PIBF1: variants seen among roughly 807,000 people sequenced by gnomAD.
PIBF1 encodes progesterone-induced-blocking factor 1.
In PIBF1, 90 loss-of-function variants were observed where a neutral mutation model predicts 112.5. That is an observed-to-expected ratio of 0.80 (90% CI 0.67 to 0.95). The LOEUF (loss-of-function observed/expected upper bound fraction) is 0.95, where lower values mean the gene tolerates loss of function less well. PIBF1 is among the 40% of genes least tolerant of loss of function. The probability of loss-of-function intolerance (pLI) is 0.00; values close to 1 mark genes in which losing one functional copy is unlikely to be tolerated. For missense variants in PIBF1, 915 were observed against 852.3 expected (o/e 1.07, Z -0.92); for synonymous variants, 301 against 288.6 (o/e 1.04, Z -0.44).
intron 13 of PIBF1, among the ~76,000 whole-genome samples, chr13:72,923,162 C>T (rs2041358612): frequency 1.3e-5 from 2 of 152,114 alleles, no homozygotes; most frequent in Non-Finnish European, 2.9e-5. Context: ...GACACCGTAC[C>T]AATACTGAAG....
intron 9 of PIBF1, among the ~76,000 whole-genome samples, chr13:72,851,678 C>T (rs180814366): frequency 1.8e-4 from 27 of 152,330 alleles, no homozygotes; most frequent in African/African-American, 5.3e-4. Flanking sequence ...ATGGGAGCTG[C>T]GCCACCAGTT....
intron 9 of PIBF1, among the ~76,000 whole-genome samples, chr13:72,836,656 G>T (rs1393352742): frequency 6.6e-6 from 1 of 151,818 alleles, no homozygotes; most frequent in South Asian, 2.1e-4. Context: ...GCCTCTGAGG[G>T]GTATGATTTT....
chr13:72,974,777 A>C (rs2042979056), intron 16 of PIBF1, among the ~76,000 whole-genome samples: 2 of 152,236 alleles, frequency 1.3e-5, no homozygotes, highest in Admixed American at 6.5e-5. Flanking sequence ...TACACATTTT[A>C]ATATAAACAA....
chr13:72,922,377 T>A (rs995628330), intron 13 of PIBF1, among the ~76,000 whole-genome samples: 14 of 152,204 alleles, frequency 9.2e-5, no homozygotes, highest in African/African-American at 3.1e-4. Context: ...TGACTAAACT[T>A]GAAAATCTGA....
chr13:72,843,700 C>T (rs1176177277), intron 9 of PIBF1, among the ~76,000 whole-genome samples: 1 of 152,206 alleles, frequency 6.6e-6, no homozygotes, highest in East Asian at 1.9e-4. Flanking sequence ...GCATGAGCCA[C>T]CGCGCCTGGC....
intron 6 of PIBF1, among the ~76,000 whole-genome samples, chr13:72,823,872 A>G (rs2036678611): frequency 1.3e-5 from 2 of 152,012 alleles, no homozygotes; most frequent in Non-Finnish European, 2.9e-5. Context: ...TTGATCTCTT[A>G]GTGGGGAATG....
At chr13:72,820,939 T>C (rs1228821974) in intron 5 of PIBF1, among the ~76,000 whole-genome samples, 1 of 152,216 alleles carries the variant, frequency 6.6e-6, no homozygotes, top group African/African-American at 2.4e-5. Flanking sequence ...TGGCAGTGTT[T>C]AAAGTGGTGG....
At chr13:72,920,879 T>A (rs1431658660) in intron 13 of PIBF1, among the ~76,000 whole-genome samples, 1 of 152,082 alleles carries the variant, frequency 6.6e-6, no homozygotes. Context: ...GTAAATGAAC[T>A]ATATGCAAAA....
At chr13:72,925,833 C>T (rs959206828) in intron 13 of PIBF1, among the ~76,000 whole-genome samples, 8 of 152,064 alleles carry the variant, frequency 5.3e-5, no homozygotes, top group African/African-American at 1.4e-4. Context: ...TGAGCCACCG[C>T]ACCCGGCCCT....
intron 4 of PIBF1, among the ~76,000 whole-genome samples, chr13:72,796,586 C>T (rs897924217): frequency 2.0e-5 from 3 of 150,302 alleles, no homozygotes; most frequent in Non-Finnish European, 4.4e-5. Context: ...TCTTGGTTCT[C>T]ATTGGGAAAA....
intron 2 of PIBF1, 64 bp downstream of exon 2, chr13:72,783,785 G>A (rs925814344): frequency 9.6e-6 from 13 of 1,349,390 alleles, no homozygotes; most frequent in South Asian, 2.5e-5. Flanking sequence ...AGGTAAATAA[G>A]AATTAAATAC....
At chr13:72,949,207 A>G (rs1457009719) in intron 14 of PIBF1, among the ~76,000 whole-genome samples, 4 of 151,260 alleles carry the variant, frequency 2.6e-5, no homozygotes, top group African/African-American at 4.8e-5. Context: ...CACAAAGTTG[A>G]CCTGAGACTG....
chr13:72,906,454 T>G (rs975113476), intron 11 of PIBF1, among the ~76,000 whole-genome samples: 1 of 152,166 alleles, frequency 6.6e-6, no homozygotes, highest in African/African-American at 2.4e-5. Context: ...GAAATGTTCA[T>G]GTATTGATTT....
chr13:72,877,439 G>A (rs2039455574), intron 10 of PIBF1, among the ~76,000 whole-genome samples: 1 of 152,134 alleles, frequency 6.6e-6, no homozygotes, highest in South Asian at 2.1e-4. Flanking sequence ...GCCTCTGGTG[G>A]ATACTGTAGA....
At chr13:72,981,809 A>C (rs561792727) in intron 16 of PIBF1, among the ~76,000 whole-genome samples, 2 of 152,348 alleles carry the variant, frequency 1.3e-5, no homozygotes, top group African/African-American at 4.8e-5. Flanking sequence ...CTATATGTAC[A>C]TATAAATATG....
rs554807951 is a variant in PIBF1 at position 72,945,376 on chromosome 13, T to C, written c.1833+14109T>C. On this transcript the variant is annotated intron_variant, in intron 14 of 17. Transcript: ENST00000326291. ...CATGTGAGTGCATGTGTTTGGTAGA[T>C]GATTTATGTTCCTTTGGGTTTATAC... Among the ~76,000 whole-genome samples, 6 of 152,342 alleles carry C rather than the reference T, an allele frequency of 3.9e-5. No individual in the cohort carries two copies. In the East Asian group the frequency reaches 7.7e-4, roughly 20 times the overall value.
At chr13:72,853,060 A>T (rs575887376) in intron 9 of PIBF1, among the ~76,000 whole-genome samples, 2 of 96,660 alleles carry the variant, frequency 2.1e-5, no homozygotes, top group Admixed American at 1.9e-4. Flanking sequence ...AAGGAGATTT[A>T]AAAAAAAAAA....
chr13:72,862,326 C>T (rs1344071505), intron 10 of PIBF1, among the ~76,000 whole-genome samples: 3 of 152,174 alleles, frequency 2.0e-5, no homozygotes, highest in African/African-American at 7.2e-5. Context: ...TAAATCTAAG[C>T]TGCATGCAGT....
chr13:72,985,319 A>G (rs1272904868), intron 16 of PIBF1, among the ~76,000 whole-genome samples: 1 of 149,596 alleles, frequency 6.7e-6, no homozygotes, highest in Non-Finnish European at 1.5e-5. Flanking sequence ...CGAGGTCAGG[A>G]GATCAAGACC....
Sources: gnomAD v4.1 joint callset for allele counts (sites outside exome capture counted in the v4.1 genomes callset) on GRCh38, gnomAD v4.1.1 for gene constraint, MANE v1.5 for transcripts, NCBI Gene and HGNC (gene_info 2026-07-23, HGNC 2026-07-21) for gene names.